Variants in DRG2 observed in about 807,000 individuals in gnomAD.
The protein encoded by DRG2 is developmentally regulated GTP binding protein 2, also known as developmentally-regulated GTP-binding protein 2.
A neutral mutation model predicts 53.4 loss-of-function variants in DRG2; 36 were observed. The observed-to-expected ratio is 0.67, with a 90% CI of 0.52 to 0.89. The LOEUF is 0.89. Among genes scored for constraint, DRG2 ranks in the 40% least tolerant of loss-of-function variants. The pLI, the probability that DRG2 is intolerant of heterozygous loss-of-function variation, is 0.00. For synonymous variants in DRG2, 167 were observed against 192.1 expected (o/e 0.87, Z 1.08); for missense variants, 342 against 481.2 (o/e 0.71, Z 2.71).
At chr17:18,106,685 T>C (rs1329277143) in intron 12 of DRG2, among the ~76,000 whole-genome samples, 199 bp downstream of exon 12, 2 of 119,324 alleles carry the variant, frequency 1.7e-5, no homozygotes, top group Admixed American at 2.0e-4. Flanking sequence ...TTTTTTTTTC[T>C]GGTTTTTTTT....
In DRG2 at chr17:18,107,716, C is replaced by T; in HGVS notation, c.*476C>T. The T allele has an allele frequency of 5.2e-6, 1 of 193,158 alleles. No individual in the cohort carries two copies. The highest frequency in any genetic ancestry group is 1.1e-5 in the Non-Finnish European group (1 of 91,628). 12.0% of individuals were successfully genotyped at this position (193,158 alleles called of 1,614,324 possible). ...TCCAGGAGGAAACCCCCTTGGGTGC[C>T]CCACACAGGGCTCTCCATGATGGGA... On this transcript the variant is annotated 3_prime_UTR_variant, in exon 13 of 13. Coordinates refer to ENST00000225729, the MANE Select transcript of DRG2 (RefSeq NM_001388.5).
chr17:18,090,433 T>TTTTTTTTTTG (rs2045313740), intron 1 of DRG2, among the ~76,000 whole-genome samples: 1 of 114,838 alleles, frequency 8.7e-6, no homozygotes, highest in Non-Finnish European at 1.8e-5. Context: ...TTTTTTTTTT[T>TTTTTTTTTTG]GAGATGGAGT....
At position 18,099,777 on chromosome 17, in the gene DRG2, T is replaced by A. The variant is rs2045497100; in HGVS notation, c.467+54T>A. On this transcript the variant is annotated intron_variant, in intron 5 of 12. Transcript: ENST00000225729. The surrounding 1 kb of genome is among the most constrained non-coding windows in gnomAD (Gnocchi z 4.4). ...CACATGTCTGGGGAGGGCCAATGTG[T>A]CCCTGAGCTCGTACTAGGCGGCCTG... is the stretch of plus-strand genomic sequence containing the variant. The A allele has an allele frequency of 6.5e-7, 1 of 1,531,668 alleles. No homozygotes were observed. The allele number at this position is 1,531,668 out of a possible 1,614,324, so 94.9% of individuals were successfully genotyped here.
intron 2 of DRG2, chr17:18,097,411 C>A (rs2045451947): frequency 6.6e-6 from 1 of 152,278 alleles, no homozygotes; most frequent in Non-Finnish European, 1.5e-5. Context: ...CCCTGCAACT[C>A]AGAGTCTCAG....
rs1216083555 is a variant in DRG2 at position 18,106,194 on chromosome 17, A to G, written c.955-239A>G. The G allele has an allele frequency of 5.4e-6, 3 of 559,572 alleles. No individual in the cohort carries two copies. The East Asian group carries it at 8.9e-5, about 17-fold the overall frequency. 34.7% of individuals were successfully genotyped at this position (559,572 alleles called of 1,614,324 possible). A position where few individuals can be genotyped will look rare whatever the true frequency, so the allele number is the denominator to read the frequency against. On this transcript the variant is annotated intron_variant, in intron 11 of 12. Coordinates refer to ENST00000225729, the MANE Select transcript of DRG2 (RefSeq NM_001388.5). ...CCTGGTGGCTTTGGGAACATTCCTA[A>G]CTATGCACCACAGCTGGCAGATCAG... is the stretch of plus-strand genomic sequence containing the variant.
At chr17:18,101,623 C>T (rs780094218) in intron 8 of DRG2, 33 bp downstream of exon 8, 3 of 1,598,998 alleles carry the variant, frequency 1.9e-6, no homozygotes, top group Non-Finnish European at 2.6e-6. Flanking sequence ...GGCCTGGCCA[C>T]TCGGCCTTTC....
Position 18,100,717 on chromosome 17 carries a change from G to A in DRG2, c.631+58G>A. The A allele has an allele frequency of 6.5e-7, 1 of 1,528,706 alleles. No individual in the cohort carries two copies. The highest frequency in any genetic ancestry group is 8.9e-7 in the Non-Finnish European group (1 of 1,124,646). 94.7% of individuals were successfully genotyped at this position (1,528,706 alleles called of 1,614,324 possible). ...CAGCCACCACCGTCAGCGCAGCGGG[G>A]GGACTGACTAAGACAGGAGGCCTCA... On this transcript the variant is annotated intron_variant, in intron 7 of 12. Transcript: ENST00000225729. This position sits in a 1 kb window ranked among gnomAD's most constrained non-coding sequence, Gnocchi z 4.1.
rs1187171168 is a variant in DRG2, at chr17:18,093,851, G to C, written c.103G>C (p.Ala35Pro). ...YHLGLLKAKL[A>P]KYRAQLLEPS... The stretch of plus-strand genomic sequence containing the variant: ...TCTGGGCCTGCTGAAAGCTAAGCTC[G>C]CCAAGTATCGGGCCCAGCTCCTGGA... The change falls in exon 2 of 13, where the codon GCC becomes CCC. Residue 35 changes from alanine to proline, a missense_variant. By Grantham distance (27) the Ala-to-Pro change is conservative. Transcript: ENST00000225729. 6.2e-7 allele frequency: 1 copy of C among 1,613,994 alleles called. No individual in the cohort carries two copies. Among genetic ancestry groups the C allele is most frequent in the Non-Finnish European group, 8.5e-7 (1 of 1,180,024 alleles).
At chr17:18,089,950 A>C (rs1458810991) in intron 1 of DRG2, among the ~76,000 whole-genome samples, 1 of 149,560 alleles carries the variant, frequency 6.7e-6, no homozygotes, top group Non-Finnish European at 1.5e-5. Context: ...GGTGTTAAGC[A>C]GGGGAGGGGC....
rs186646769 is a variant in DRG2 at position 18,091,019 on chromosome 17, C to T, written c.65-2794C>T. Among the ~76,000 whole-genome samples, 18 of 152,228 alleles carry T rather than the reference C, an allele frequency of 1.2e-4. No individual in the cohort carries two copies. The East Asian group carries it at 3.3e-3, about 28-fold the overall frequency. ...TCTTACTGCTATCAATTCACTGATTCACTTGGTAAAATATTTCCTGTGTGC... is the reference window on the plus strand; with the variant it reads ...TCTTACTGCTATCAATTCACTGATTTACTTGGTAAAATATTTCCTGTGTGC... On this transcript the variant is annotated intron_variant, in intron 1 of 12. Transcript: ENST00000225729.
At position 18,099,157 on chromosome 17, in the gene DRG2, G is replaced by T. The variant is rs1461104847; in HGVS notation, c.376+80G>T. On this transcript the variant is annotated intron_variant, in intron 4 of 12. Coordinates refer to ENST00000225729, the MANE Select transcript of DRG2 (RefSeq NM_001388.5). The surrounding 1 kb of genome is among the most constrained non-coding windows in gnomAD (Gnocchi z 4.4). ...TGAAATTGGGTGTGGCTGTCATGGA[G>T]ATCACTCTGGATCCCTGGTCCATTA... is the stretch of plus-strand genomic sequence containing the variant. 6.4e-7 allele frequency: 1 copy of T among 1,556,030 alleles called. No homozygotes were observed. The highest frequency in any genetic ancestry group is 8.8e-7 in the Non-Finnish European group (1 of 1,132,182).
At chr17:18,104,522 C>T (rs1162514956) in intron 10 of DRG2, 101 bp from the exon 11 acceptor site, 2 of 1,574,984 alleles carry the variant, frequency 1.3e-6, no homozygotes, top group Non-Finnish European at 1.7e-6. Flanking sequence ...GGCAAGGAGA[C>T]CGAAAGGGCC....
At chr17:18,091,379 A>G (rs1396641782) in intron 1 of DRG2, among the ~76,000 whole-genome samples, 3 of 152,090 alleles carry the variant, frequency 2.0e-5, no homozygotes, top group Non-Finnish European at 4.4e-5. Context: ...TGAGGTCAGG[A>G]GTTTGAGACC....
chr17:18,088,537 C>G (rs536078546), intron 1 of DRG2, among the ~76,000 whole-genome samples: 55 of 152,332 alleles, frequency 3.6e-4, no homozygotes, highest in African/African-American at 1.3e-3. Context: ...TCTGGAAGGC[C>G]TGGGTTTGAG....
chr17:18,099,232 C>A lies in DRG2; in HGVS notation c.376+155C>A. The stretch of plus-strand genomic sequence containing the variant: ...TCCAGTTCAAATCCTTGGCACCAAA[C>A]TAGCCTTGTGATCTTGGGCAAGTGA... On this transcript the variant is annotated intron_variant, in intron 4 of 12. Coordinates refer to ENST00000225729, the MANE Select transcript of DRG2 (RefSeq NM_001388.5). This position sits in a 1 kb window ranked among gnomAD's most constrained non-coding sequence, Gnocchi z 4.4. 2 of 970,990 alleles carry A rather than the reference C, an allele frequency of 2.1e-6. No homozygotes were observed. Among genetic ancestry groups the A allele is most frequent in the Non-Finnish European group, 3.0e-6 (2 of 657,278 alleles). The allele number at this position is 970,990 out of a possible 1,614,324, so 60.1% of individuals were successfully genotyped here. A position where few individuals can be genotyped will look rare whatever the true frequency, so the allele number is the denominator to read the frequency against.
intron 1 of DRG2, among the ~76,000 whole-genome samples, chr17:18,093,463 C>A (rs1340861012): frequency 6.6e-6 from 1 of 152,098 alleles, no homozygotes; most frequent in Admixed American, 6.6e-5. Flanking sequence ...GGATTACAGG[C>A]ATGAACGACC....
intron 11 of DRG2, among the ~76,000 whole-genome samples, chr17:18,105,134 T>C (rs1361714088): frequency 6.6e-6 from 1 of 151,844 alleles, no homozygotes; most frequent in African/African-American, 2.4e-5. Flanking sequence ...AGAGTTGGGG[T>C]GGGGAGCATC....
chr17:18,106,759 T>C (rs2045644699), intron 12 of DRG2, among the ~76,000 whole-genome samples: 1 of 143,640 alleles, frequency 7.0e-6, no homozygotes, highest in Non-Finnish European at 1.5e-5. Context: ...GGCACGATCA[T>C]GGCCCAGTGC....
chr17:18,090,385 TATATATATATATATATATA>T (rs1567597979), intron 1 of DRG2, among the ~76,000 whole-genome samples: 307 of 22,138 alleles, frequency 0.014, 39 homozygotes, highest in Admixed American at 0.023. Flanking sequence ...TATATATATA[TATATATATATATATATATA>T]TATTTTTTTT....
Sources: allele counts gnomAD v4.1 joint callset (sites outside exome capture counted in the v4.1 genomes callset), GRCh38; gene constraint gnomAD v4.1.1; non-coding constraint Gnocchi (gnomAD v3.1); transcripts MANE v1.5; gene names NCBI Gene and HGNC (gene_info 2026-07-23, HGNC 2026-07-21).